The following TMEM67 variants were observed in gnomAD, a reference collection of about 807,000 sequenced individuals.
TMEM67 encodes meckelin.
Under a neutral mutation model 136.6 loss-of-function variants are expected in TMEM67, and 124 were observed. The ratio of observed to expected loss-of-function variants is 0.91; its 90% CI spans 0.78 to 1.05. The LOEUF is 1.05. TMEM67 is among the 50% of genes least tolerant of loss of function. TMEM67 has a pLI of 0.00. For missense variants in TMEM67, 1,107 were observed against 1,178.4 expected (o/e 0.94, Z 0.89); for synonymous variants, 364 against 390.5 (o/e 0.93, Z 0.80).
Position 93,817,404 on chromosome 8 carries a change from A to AC in TMEM67, c.*952_*953insC, listed in dbSNP as rs1808951098. The AC allele has an allele frequency of 6.6e-6, 1 of 152,222 alleles. No homozygotes were observed. The highest frequency in any genetic ancestry group is 1.5e-5 in the Non-Finnish European group (1 of 68,070). 9.4% of individuals were successfully genotyped at this position (152,222 alleles called of 1,614,324 possible). On this transcript the variant is annotated 3_prime_UTR_variant, in exon 28 of 28. Coordinates refer to ENST00000453321, the MANE Select transcript of TMEM67 (RefSeq NM_153704.6). ...AAATTAGTTGGATGTGGTGGCCTGT[A>AC]ATCCCAGCTATTTGGGAGGCTGAGG...
At chr8:93,793,961 G>A (rs1814499014) in intron 16 of TMEM67, among the ~76,000 whole-genome samples, 1 of 152,076 alleles carries the variant, frequency 6.6e-6, no homozygotes, top group South Asian at 2.1e-4. Flanking sequence ...CACAATCTTG[G>A]TTCACTTGCA....
rs35554591 is a variant in TMEM67 at position 93,799,904 on chromosome 8, CTTT to C, written c.2241+165_2241+167del. 18,361 of 337,774 alleles carry C rather than the reference CTTT, an allele frequency of 0.054. 54 individuals carry two copies. Among genetic ancestry groups the C allele is most frequent in the African/African-American group, 0.078 (2,617 of 33,464 alleles). The allele number at this position is 337,774 out of a possible 1,614,324, so 20.9% of individuals were successfully genotyped here. On this transcript the variant is annotated intron_variant, in intron 21 of 27. Transcript: ENST00000453321. ...CAAGAACAATAGCTAATGGTCAGTTCTTTTTTTTTTTTTTTTTTTTTGAAACAG... is the reference window on the plus strand; with the variant it reads ...CAAGAACAATAGCTAATGGTCAGTTCTTTTTTTTTTTTTTTTTTGAAACAG...
chr8:93,785,079 G>T (rs1814031713), intron 11 of TMEM67, 143 bp from the exon 12 acceptor site: 2 of 646,810 alleles, frequency 3.1e-6, no homozygotes, highest in East Asian at 2.6e-5. Flanking sequence ...GTAGTATAAA[G>T]ACATTTTGCA....
rs888078150 is a variant in TMEM67, at chr8:93,800,245, C to T, written c.2241+487C>T. On this transcript the variant is annotated intron_variant, in intron 21 of 27. Transcript: ENST00000453321. ...TTCTTATATTGTATTAGTCACTGTG[C>T]TAATTAATTACTGTTGGTCCATCAC... Among the ~76,000 whole-genome samples, 35 of 152,096 alleles carry T rather than the reference C, an allele frequency of 2.3e-4. 1 individual carries two copies. Among genetic ancestry groups the T allele is most frequent in the Admixed American group, 2.1e-3 (32 of 15,260 alleles).
chr8:93,806,233 C>T (rs892904599), intron 23 of TMEM67, among the ~76,000 whole-genome samples: 1 of 152,078 alleles, frequency 6.6e-6, no homozygotes, highest in African/African-American at 2.4e-5. Context: ...CAATCTGGTA[C>T]AATGTGTGGA....
At position 93,809,890 on chromosome 8, in the gene TMEM67, A is replaced by G. The variant is rs781275436; in HGVS notation, c.2764+3A>G. 6.5e-7 allele frequency: 1 copy of G among 1,536,536 alleles called. No individual in the cohort carries two copies. The highest frequency in any genetic ancestry group is 9.0e-7 in the Non-Finnish European group (1 of 1,110,752). ...GGAAAAAAGCATCTTTTACAATGGT[A>G]TCTTCTAAATCCCTTTGTAGAACTT... is the stretch of plus-strand genomic sequence containing the variant. On this transcript the variant is annotated splice_donor_region_variant and intron_variant, in intron 26 of 27. Transcript: ENST00000453321.
intron 14 of TMEM67, among the ~76,000 whole-genome samples, chr8:93,789,152 T>C (rs902384809): frequency 6.6e-6 from 1 of 152,230 alleles, no homozygotes; most frequent in African/African-American, 2.4e-5. Flanking sequence ...TATTTTAATA[T>C]TCTAGTTCCT....
intron 3 of TMEM67, among the ~76,000 whole-genome samples, chr8:93,763,319 CAAAT>C (rs1021201224): frequency 1.3e-5 from 2 of 152,254 alleles, no homozygotes; most frequent in Non-Finnish European, 2.9e-5. Flanking sequence ...TTGTTTCTAA[CAAAT>C]AATGCCTCAG....
chr8:93,757,528 C>T (rs929218955), intron 2 of TMEM67, among the ~76,000 whole-genome samples: 10 of 150,842 alleles, frequency 6.6e-5, no homozygotes, highest in East Asian at 2.0e-4. Context: ...CCCAGCTACT[C>T]GGGAGGCTGA....
At chr8:93,807,552 A>T (rs1192319464) in intron 23 of TMEM67, among the ~76,000 whole-genome samples, 1 of 152,094 alleles carries the variant, frequency 6.6e-6, no homozygotes, top group East Asian at 1.9e-4. Flanking sequence ...CTTATAAAAA[A>T]TACTGGAAAT....
chr8:93,819,016 G>A (rs1305414305), downstream of TMEM67: 2 of 441,846 alleles, frequency 4.5e-6, no homozygotes, highest in Non-Finnish European at 8.9e-6. Context: ...TGTTGCCCAG[G>A]CTAGTCTTGA....
chr8:93,770,065 G>A (rs1813264636), intron 6 of TMEM67, among the ~76,000 whole-genome samples: 1 of 152,126 alleles, frequency 6.6e-6, no homozygotes, highest in African/African-American at 2.4e-5. Flanking sequence ...TACATTAATA[G>A]TGAAATAGCT....
chr8:93,758,501 G>A lies in TMEM67; in HGVS notation c.331G>A (p.Gly111Ser). 1 of 1,613,622 alleles carries A rather than the reference G, an allele frequency of 6.2e-7. No individual in the cohort carries two copies. The highest frequency in any genetic ancestry group is 8.5e-7 in the Non-Finnish European group (1 of 1,179,700). Reference protein sequence around the residue: ...PENMKGVTEDGWNCISCPSDL... With the variant: ...PENMKGVTEDSWNCISCPSDL... ...AATTTAGAAAGGTGTTACAGAAGAT[G>A]GCTGGAACTGCATTTCTTGCCCTAG... The change falls in exon 3 of 28, where the codon GGC becomes AGC. Residue 111 changes from glycine to serine, a missense_variant. Gly to Ser is a moderately conservative substitution (Grantham distance 56). Coordinates refer to ENST00000453321, the MANE Select transcript of TMEM67 (RefSeq NM_153704.6).
chr8:93,804,481 ATTTTTTT>A (rs59657661), intron 22 of TMEM67, among the ~76,000 whole-genome samples: 7 of 87,152 alleles, frequency 8.0e-5, no homozygotes, highest in African/African-American at 2.2e-4. Flanking sequence ...ACACTCAGCT[ATTTTTTT>A]TTTTTTTTTT....
intron 6 of TMEM67, among the ~76,000 whole-genome samples, chr8:93,768,063 T>C (rs1489189312): frequency 6.6e-6 from 1 of 151,340 alleles, no homozygotes; most frequent in African/African-American, 2.4e-5. Flanking sequence ...ACAGAGTTTC[T>C]CCATATTGGT....
Position 93,791,284 on chromosome 8 carries a change from G to C in TMEM67, c.1540G>C (p.Glu514Gln). ...SVKVSFSVTY[E>Q]MDHGEAHVQT... ...TCAGGTTTCTTTCTCAGTCACATATGAAATGGATCATGGAGAAGCACATGT... is the reference window on the plus strand; with the variant it reads ...TCAGGTTTCTTTCTCAGTCACATATCAAATGGATCATGGAGAAGCACATGT... Residue 514 changes from glutamate to glutamine, a missense_variant, in exon 15 of 28, where the codon GAA (glutamate) becomes CAA (glutamine). Coordinates refer to ENST00000453321, the MANE Select transcript of TMEM67 (RefSeq NM_153704.6). 1 of 1,607,282 alleles carries C rather than the reference G, an allele frequency of 6.2e-7. No individual in the cohort carries two copies. The highest frequency in any genetic ancestry group is 1.1e-5 in the South Asian group (1 of 90,786).
At chr8:93,757,541 C>G (rs544411387) in intron 2 of TMEM67, among the ~76,000 whole-genome samples, 2 of 151,202 alleles carry the variant, frequency 1.3e-5, no homozygotes, top group Admixed American at 6.6e-5. Context: ...GAGGCTGAGG[C>G]AGGAGAATTG....
chr8:93,755,499 G>C (rs1034218206), intron 1 of TMEM67, among the ~76,000 whole-genome samples: 6 of 152,274 alleles, frequency 3.9e-5, no homozygotes, highest in Non-Finnish European at 8.8e-5. Context: ...CTGTGAGGTA[G>C]GTACCAATTT....
At chr8:93,770,696 G>C (rs1813291046) in intron 6 of TMEM67, among the ~76,000 whole-genome samples, 1 of 152,066 alleles carries the variant, frequency 6.6e-6, no homozygotes, top group Non-Finnish European at 1.5e-5. Flanking sequence ...TGTCTGTCAG[G>C]TTGTCCAGTT....
Sources: gnomAD v4.1 joint callset for allele counts (sites outside exome capture counted in the v4.1 genomes callset) on GRCh38, gnomAD v4.1.1 for gene constraint, MANE v1.5 for transcripts, NCBI Gene and HGNC (gene_info 2026-07-23, HGNC 2026-07-21) for gene names.